NXPH1: variants seen among roughly 807,000 people sequenced by gnomAD.
NXPH1 encodes neurexophilin 1, also known as neurexophilin-1.
In NXPH1, 5 loss-of-function variants were observed where a neutral mutation model predicts 23.7. That is an observed-to-expected ratio of 0.21 (90% CI 0.11 to 0.44). The LOEUF (loss-of-function observed/expected upper bound fraction) is 0.44. Ranked by LOEUF, NXPH1 falls within the 20% of genes least tolerant of loss-of-function variation. The pLI, the probability that NXPH1 is intolerant of heterozygous loss-of-function variation, is 0.99. For synonymous variants in NXPH1, 144 were observed against 122.2 expected, an observed-to-expected ratio of 1.18 and a Z score of -1.18; for missense variants, 324 against 321.6, an observed-to-expected ratio of 1.01 and a Z score of -0.06.
chr7:8,697,471 T>C (rs904996645), intron 2 of NXPH1, among the ~76,000 whole-genome samples: 1 of 152,098 alleles, frequency 6.6e-6, no homozygotes, highest in Non-Finnish European at 1.5e-5. Flanking sequence ...AGTGGTATAT[T>C]TTAGAAGTAG....
intron 2 of NXPH1, among the ~76,000 whole-genome samples, chr7:8,436,296 G>A (rs1202718219): frequency 6.6e-6 from 1 of 152,144 alleles, no homozygotes; most frequent in Non-Finnish European, 1.5e-5. Flanking sequence ...TAACTATCAG[G>A]GGTACTGCAA....
intron 2 of NXPH1, among the ~76,000 whole-genome samples, chr7:8,735,377 A>G (rs1780231309): frequency 6.6e-6 from 1 of 151,532 alleles, no homozygotes; most frequent in Non-Finnish European, 1.5e-5. Flanking sequence ...GAAGGCCTTG[A>G]GCAGGTATTG....
chr7:8,452,941 G>A (rs1319024612), intron 2 of NXPH1, among the ~76,000 whole-genome samples: 1 of 152,060 alleles, frequency 6.6e-6, no homozygotes, highest in Non-Finnish European at 1.5e-5. Flanking sequence ...CAGAAGATGA[G>A]TGTACTTCCT....
At chr7:8,619,767 T>C (rs1819825251) in intron 2 of NXPH1, among the ~76,000 whole-genome samples, 1 of 152,222 alleles carries the variant, frequency 6.6e-6, no homozygotes, top group African/African-American at 2.4e-5. Flanking sequence ...CTCTGTAGTT[T>C]ACAAAATATA....
At chr7:8,476,855 G>A (rs1816982495) in intron 2 of NXPH1, among the ~76,000 whole-genome samples, 1 of 152,106 alleles carries the variant, frequency 6.6e-6, no homozygotes, top group African/African-American at 2.4e-5. Context: ...GCACAACCAG[G>A]TATTGTTGTA....
At chr7:8,683,385 A>T (rs533311463) in intron 2 of NXPH1, among the ~76,000 whole-genome samples, 1 of 151,968 alleles carries the variant, frequency 6.6e-6, no homozygotes, top group African/African-American at 2.4e-5. Flanking sequence ...ATTGCACAAC[A>T]CTCCTTAGTG....
chr7:8,460,161 T>G (rs1200200160), intron 2 of NXPH1, among the ~76,000 whole-genome samples: 1 of 152,160 alleles, frequency 6.6e-6, no homozygotes, highest in Non-Finnish European at 1.5e-5. Flanking sequence ...CTAGGCTAGA[T>G]TTTTGAAGTT....
chr7:8,526,767 G>T (rs1817867753), intron 2 of NXPH1, among the ~76,000 whole-genome samples: 1 of 152,074 alleles, frequency 6.6e-6, no homozygotes, highest in Non-Finnish European at 1.5e-5. Context: ...ATGATTCTGA[G>T]GCCTCCCCAG....
intron 2 of NXPH1, among the ~76,000 whole-genome samples, chr7:8,702,887 A>G (rs1003825989): frequency 2.0e-5 from 3 of 152,040 alleles, no homozygotes; most frequent in African/African-American, 7.2e-5. Flanking sequence ...ATATGTGCTC[A>G]TTATCCAACT....
chr7:8,439,365 G>A (rs920559438), intron 2 of NXPH1, among the ~76,000 whole-genome samples: 1 of 152,140 alleles, frequency 6.6e-6, no homozygotes, highest in Admixed American at 6.5e-5. Flanking sequence ...CACAGGGTGT[G>A]GCATTCTGTT....
intron 2 of NXPH1, among the ~76,000 whole-genome samples, chr7:8,472,190 T>C (rs1390215368): frequency 6.6e-6 from 1 of 152,170 alleles, no homozygotes; most frequent in Non-Finnish European, 1.5e-5. Flanking sequence ...TTTGTAATAA[T>C]TGTGCTTTGA....
At chr7:8,500,665 A>G (rs757705) in intron 2 of NXPH1, among the ~76,000 whole-genome samples, 87,110 of 151,992 alleles carry the variant, frequency 0.57, 25,901 homozygotes, top group East Asian at 0.9. Flanking sequence ...AATTTTTGAA[A>G]GGAGCTTGTT....
At chr7:8,598,903 T>G (rs1363723740) in intron 2 of NXPH1, among the ~76,000 whole-genome samples, 2 of 152,190 alleles carry the variant, frequency 1.3e-5, no homozygotes, top group African/African-American at 4.8e-5. Flanking sequence ...GATTTGGTTA[T>G]GTCTGTAGCA....
chr7:8,750,720 C>G (rs1377920433), intron 2 of NXPH1, among the ~76,000 whole-genome samples: 1 of 152,132 alleles, frequency 6.6e-6, no homozygotes, highest in African/African-American at 2.4e-5. Context: ...AGTTTTTCCA[C>G]CCACATCTCC....
intron 2 of NXPH1, among the ~76,000 whole-genome samples, chr7:8,682,346 G>A (rs745607436): frequency 2.0e-5 from 3 of 152,182 alleles, no homozygotes; most frequent in Non-Finnish European, 4.4e-5. Context: ...GATCAGGAGA[G>A]TATGTGTTTT....
At chr7:8,594,051 G>T (rs1819162084) in intron 2 of NXPH1, among the ~76,000 whole-genome samples, 1 of 151,980 alleles carries the variant, frequency 6.6e-6, no homozygotes, top group African/African-American at 2.4e-5. Flanking sequence ...CTGCTTTAGG[G>T]CATTTTTGTT....
At chr7:8,613,295 C>T (rs1033076407) in intron 2 of NXPH1, among the ~76,000 whole-genome samples, 7 of 151,952 alleles carry the variant, frequency 4.6e-5, no homozygotes, top group Admixed American at 2.6e-4. Flanking sequence ...AACTCAAAAG[C>T]TTTCAAATAT....
intron 2 of NXPH1, among the ~76,000 whole-genome samples, chr7:8,717,894 G>GTGTATATATATATATA (rs71545892): frequency 2.1e-4 from 31 of 147,150 alleles, no homozygotes; most frequent in Non-Finnish European, 4.0e-4. Context: ...CTCTCTGTGT[G>GTGTATATATATATATA]TATATATATA....
chr7:8,484,597 G>A (rs578046452), intron 2 of NXPH1, among the ~76,000 whole-genome samples: 1 of 152,222 alleles, frequency 6.6e-6, no homozygotes, highest in South Asian at 2.1e-4. Flanking sequence ...CACTTCATAA[G>A]TTGCTTAAGG....
Sources: allele counts gnomAD v4.1 joint callset (sites outside exome capture counted in the v4.1 genomes callset), GRCh38; gene constraint gnomAD v4.1.1; transcripts MANE v1.5; gene names NCBI Gene and HGNC (gene_info 2026-07-23, HGNC 2026-07-21).